The following PTPRG variants were observed in gnomAD, a reference collection of about 807,000 sequenced individuals.
PTPRG encodes protein tyrosine phosphatase receptor type G.
PTPRG carries 102 observed loss-of-function variants against 165.3 expected under a neutral mutation model. The ratio of observed to expected loss-of-function variants is 0.62; its 90% CI spans 0.53 to 0.73. PTPRG has a LOEUF of 0.73. Among genes scored for constraint, PTPRG ranks in the 30% least tolerant of loss-of-function variants. PTPRG has a pLI of 0.00. For synonymous variants in PTPRG, 675 were observed against 669.5 expected, an observed-to-expected ratio of 1.01 and a Z score of -0.13; for missense variants, 1,866 against 1,861.4, an observed-to-expected ratio of 1.00 and a Z score of -0.05.
At chr3:61,910,277 T>C (rs2038766795) in intron 2 of PTPRG, among the ~76,000 whole-genome samples, 1 of 152,230 alleles carries the variant, frequency 6.6e-6, no homozygotes, top group Non-Finnish European at 1.5e-5. Flanking sequence ...TTAGTGAATT[T>C]GTTTGTTGCC....
intron 4 of PTPRG, among the ~76,000 whole-genome samples, chr3:62,039,376 T>C (rs962902871): frequency 1.3e-5 from 2 of 152,104 alleles, no homozygotes; most frequent in Admixed American, 6.5e-5. Context: ...TGGGAAGTCC[T>C]TACCATCTCT....
chr3:62,095,544 G>A (rs572828640), intron 5 of PTPRG, among the ~76,000 whole-genome samples: 1 of 152,344 alleles, frequency 6.6e-6, no homozygotes, highest in South Asian at 2.1e-4. Flanking sequence ...GTAGCCAACT[G>A]TATGCCAAGC....
chr3:61,754,389 G>C (rs557695788), intron 2 of PTPRG, among the ~76,000 whole-genome samples: 26 of 152,042 alleles, frequency 1.7e-4, no homozygotes, highest in Non-Finnish European at 3.7e-4. Flanking sequence ...TTCATTATAT[G>C]CCACCTCACT....
chr3:61,919,202 A>G (rs1213067664), intron 2 of PTPRG, among the ~76,000 whole-genome samples: 1 of 152,206 alleles, frequency 6.6e-6, no homozygotes, highest in Non-Finnish European at 1.5e-5. Context: ...GAGTCTAGCC[A>G]TCAGATACCG....
intron 8 of PTPRG, among the ~76,000 whole-genome samples, chr3:62,176,442 C>T (rs187176315): frequency 2.0e-5 from 3 of 152,128 alleles, no homozygotes; most frequent in East Asian, 3.9e-4. Flanking sequence ...TCCAAGGGAC[C>T]GCCATCTTCC....
At chr3:61,967,388 A>G (rs1388476361) in intron 2 of PTPRG, among the ~76,000 whole-genome samples, 1 of 152,126 alleles carries the variant, frequency 6.6e-6, no homozygotes, top group Non-Finnish European at 1.5e-5. Context: ...TATCAGCAAG[A>G]CCTTCAGTTC....
intron 6 of PTPRG, among the ~76,000 whole-genome samples, chr3:62,152,583 T>G (rs1704375512): frequency 6.6e-6 from 1 of 152,156 alleles, no homozygotes; most frequent in African/African-American, 2.4e-5. Flanking sequence ...AGCACCCCAT[T>G]TATCAGTAGA....
At chr3:61,868,203 C>T (rs779224179) in intron 2 of PTPRG, among the ~76,000 whole-genome samples, 6 of 152,214 alleles carry the variant, frequency 3.9e-5, no homozygotes, top group Non-Finnish European at 7.3e-5. Context: ...TTGTCATCCT[C>T]ACAACAGCTC....
At chr3:61,840,785 T>TC (rs71275582) in intron 2 of PTPRG, among the ~76,000 whole-genome samples, 1 of 122,068 alleles carries the variant, frequency 8.2e-6, no homozygotes, top group African/African-American at 3.5e-5. Flanking sequence ...TTTGTTTGTT[T>TC]TTTTTTTTTT....
intron 1 of PTPRG, among the ~76,000 whole-genome samples, chr3:61,621,051 A>ATATATATATATATATATATATG: frequency 8.5e-6 from 1 of 117,948 alleles, no homozygotes; most frequent in African/African-American, 3.0e-5. Flanking sequence ...ATATATATAT[A>ATATATATATATATATATATATG]TGTGTGTGTG....
chr3:61,617,289 T>C (rs1701324405), intron 1 of PTPRG, among the ~76,000 whole-genome samples: 1 of 152,200 alleles, frequency 6.6e-6, no homozygotes, highest in Admixed American at 6.5e-5. Flanking sequence ...AACTTGTTAA[T>C]AAGTGGTAGA....
At chr3:61,677,423 G>T (rs892497798) in intron 1 of PTPRG, among the ~76,000 whole-genome samples, 2 of 152,170 alleles carry the variant, frequency 1.3e-5, no homozygotes, top group African/African-American at 4.8e-5. Context: ...GACAGTGAGA[G>T]AAACTAACTT....
chr3:62,248,166 G>A (rs1226277788), intron 15 of PTPRG, among the ~76,000 whole-genome samples: 1 of 152,108 alleles, frequency 6.6e-6, no homozygotes, highest in Non-Finnish European at 1.5e-5. Flanking sequence ...CTTGAAAGAA[G>A]TGCTTTTGAG....
chr3:61,714,683 C>A (rs991539129), intron 1 of PTPRG, among the ~76,000 whole-genome samples: 1 of 152,116 alleles, frequency 6.6e-6, no homozygotes, highest in African/African-American at 2.4e-5. Context: ...TTTGCTAAAC[C>A]ATATACTTGC....
intron 4 of PTPRG, among the ~76,000 whole-genome samples, chr3:62,009,186 C>G (rs1035401942): frequency 1.3e-5 from 2 of 152,190 alleles, no homozygotes; most frequent in Non-Finnish European, 2.9e-5. Flanking sequence ...GGTCTCATGC[C>G]TATTGAGTGA....
intron 1 of PTPRG, among the ~76,000 whole-genome samples, chr3:61,643,277 A>AAGAG (rs35814794): frequency 6.7e-6 from 1 of 149,744 alleles, no homozygotes; most frequent in Non-Finnish European, 1.5e-5. Context: ...GAGAGAGAGA[A>AAGAG]AGAGAGAGAG....
intron 2 of PTPRG, among the ~76,000 whole-genome samples, chr3:61,801,639 G>T (rs1035195846): frequency 6.6e-6 from 1 of 152,084 alleles, no homozygotes; most frequent in Non-Finnish European, 1.5e-5. Context: ...TGAGGGTTGG[G>T]TTCCGCTTCT....
intron 4 of PTPRG, among the ~76,000 whole-genome samples, chr3:62,023,793 AG>A (rs1254823638): frequency 1.3e-5 from 2 of 152,122 alleles, no homozygotes; most frequent in Admixed American, 6.6e-5. Context: ...AGAAGGTACT[AG>A]TTGTGGCAGT....
intron 1 of PTPRG, among the ~76,000 whole-genome samples, chr3:61,624,551 G>A (rs1288386638): frequency 6.6e-6 from 1 of 152,172 alleles, no homozygotes; most frequent in Non-Finnish European, 1.5e-5. Context: ...GCAAAGACAT[G>A]GCTATCTTTG....
Sources: allele counts gnomAD v4.1 joint callset (sites outside exome capture counted in the v4.1 genomes callset), GRCh38; gene constraint gnomAD v4.1.1; transcripts MANE v1.5; gene names NCBI Gene and HGNC (gene_info 2026-07-23, HGNC 2026-07-21).